NADSYN1: variants seen among roughly 807,000 people sequenced by gnomAD.
The protein encoded by NADSYN1 is glutamine-dependent NAD(+) synthetase.
A neutral mutation model predicts 99.3 loss-of-function variants in NADSYN1; 80 were observed. The ratio of observed to expected loss-of-function variants is 0.81; its 90% CI spans 0.67 to 0.97. The LOEUF (loss-of-function observed/expected upper bound fraction) is 0.97, where lower values mean the gene tolerates loss of function less well. Ranked by LOEUF, NADSYN1 falls within the 50% of genes least tolerant of loss-of-function variation. The probability of loss-of-function intolerance (pLI) is 0.00; values close to 1 mark genes in which losing one functional copy is unlikely to be tolerated. For missense variants in NADSYN1, 859 were observed against 948.5 expected (o/e 0.91, Z 1.24); for synonymous variants, 385 against 372.1 (o/e 1.03, Z -0.40).
At chr11:71,499,743 A>C (rs993882948) in intron 20 of NADSYN1, 2 of 152,320 alleles carry the variant, frequency 1.3e-5, no homozygotes, top group African/African-American at 4.8e-5. Flanking sequence ...CCAGTGAGTC[A>C]CTGTCAACAA....
In NADSYN1 at chr11:71,458,483, C is replaced by G. The variant is rs373141880; in HGVS notation, c.202C>G (p.Gln68Glu). 4.3e-6 allele frequency: 7 copies of G among 1,613,950 alleles called. No individual in the cohort carries two copies. In the African/African-American group the frequency reaches 8.0e-5, roughly 18 times the overall value. Residue 68 changes from glutamine (Q) to glutamate (E), a missense_variant, in exon 3 of 21, where the codon CAA becomes GAA. Transcript: ENST00000319023. The part of the protein sequence containing the change: ...YESDTLLHSF[Q>E]VLAALVESPV... ...GTCGGACACCCTCTTGCACTCGTTT[C>G]AAGTCCTAGCGGCCCTTGTGGAGTC...
intron 5 of NADSYN1, among the ~76,000 whole-genome samples, chr11:71,465,689 G>A (rs534366243): frequency 6.6e-6 from 1 of 152,310 alleles, no homozygotes; most frequent in South Asian, 2.1e-4. Flanking sequence ...TGCCCCGGTT[G>A]AGAAATTCTA....
chr11:71,458,542 G>T lies in NADSYN1; in HGVS notation c.261G>T (p.Gly87=), dbSNP rs1203418618. Reference sequence around the variant, plus strand: ...CTCAGGACATCATCTGCGACGTGGGGATGTAAGTGCCAGTGTGAGTGTGGA... The same window carrying T: ...CTCAGGACATCATCTGCGACGTGGGTATGTAAGTGCCAGTGTGAGTGTGGA... ...PVTQDIICDV[G]MPVMHRNVRY... The change falls in exon 3 of 21, where the codon GGG becomes GGT. Residue 87 remains glycine (G), a splice_region_variant and synonymous_variant. Transcript: ENST00000319023. 1 of 1,601,734 alleles carries T rather than the reference G, an allele frequency of 6.2e-7. No homozygotes were observed.
chr11:71,477,313 C>T, intron 9 of NADSYN1: 4 of 1,274,262 alleles, frequency 3.1e-6, no homozygotes, highest in Non-Finnish European at 4.1e-6. Flanking sequence ...TGTTTTATGG[C>T]TTCACACGGA....
chr11:71,481,901 C>T, intron 12 of NADSYN1, 22 bp from the exon 13 acceptor site: 1 of 1,606,910 alleles, frequency 6.2e-7, no homozygotes, highest in Non-Finnish European at 8.5e-7. Context: ...TCTGCTCACG[C>T]TGTCTGATTG....
rs768572932 is a variant in NADSYN1 at position 71,455,489 on chromosome 11, A to G, written c.146+319A>G. 250 of 335,380 alleles carry G rather than the reference A, an allele frequency of 7.5e-4. 1 individual carries two copies. The highest frequency in any genetic ancestry group is 1.6e-3 in the Middle Eastern group (2 of 1,216). The allele number at this position is 335,380 out of a possible 1,614,324, so 20.8% of individuals were successfully genotyped here. A position where few individuals can be genotyped will look rare whatever the true frequency, so the allele number is the denominator to read the frequency against. ...ATGTTTGCGTCCCCACAAAATTCAT[A>G]TGTTGAAACCTAACCCCCAGATGAT... On this transcript the variant is annotated intron_variant, in intron 2 of 20. Coordinates refer to ENST00000319023, the MANE Select transcript of NADSYN1 (RefSeq NM_018161.5).
chr11:71,473,286 A>G lies in NADSYN1; in HGVS notation c.468A>G (p.Val156=), dbSNP rs1949640843. The G allele has an allele frequency of 2.5e-6, 4 of 1,614,072 alleles. No homozygotes were observed. Among genetic ancestry groups the G allele is most frequent in the Non-Finnish European group, 3.4e-6 (4 of 1,179,998 alleles). ...MIQDLTKQET[V]PFGDAVLVTW... is the part of the protein sequence containing the mutation. ...TTCTCTTCCGACTGCAGGAAACCGT[A>G]CCCTTCGGAGATGCGGTGCTGGTGA... Residue 156 remains valine (V), a synonymous_variant, in exon 7 of 21, where the codon GTA becomes GTG. Coordinates refer to ENST00000319023, the MANE Select transcript of NADSYN1 (RefSeq NM_018161.5).
intron 6 of NADSYN1, 109 bp from the exon 7 acceptor site, chr11:71,473,169 G>T: frequency 1.9e-6 from 2 of 1,068,654 alleles, no homozygotes; most frequent in Non-Finnish European, 2.8e-6. Context: ...CGAGAGCCCA[G>T]AGCCAACTCC....
rs1949502034 is a variant in NADSYN1 at position 71,454,762 on chromosome 11, A to G, written c.86-348A>G. Among the ~76,000 whole-genome samples the G allele has an allele frequency of 2.6e-5, 4 of 152,162 alleles. No individual in the cohort carries two copies. In the South Asian group the frequency reaches 8.3e-4, roughly 31 times the overall value. On this transcript the variant is annotated intron_variant, in intron 1 of 20. Coordinates refer to ENST00000319023, the MANE Select transcript of NADSYN1 (RefSeq NM_018161.5). ...GTGTTGGGCATTTCCTTGTTAATAA[A>G]CTACCAGGGTCTGACTTCTTCCTCT...
intron 16 of NADSYN1, among the ~76,000 whole-genome samples, chr11:71,486,796 CTTTTTTTTTTTTTTT>C (rs57662255): frequency 6.6e-5 from 4 of 60,996 alleles, no homozygotes; most frequent in South Asian, 2.0e-3. Flanking sequence ...GCGTGAGTGT[CTTTTTTTTTTTTTTT>C]TTTTTTTTTT....
chr11:71,497,121 T>C (rs1160941559), intron 18 of NADSYN1: 4 of 281,220 alleles, frequency 1.4e-5, no homozygotes, highest in Non-Finnish European at 2.8e-5. Context: ...CAAGCAGTCC[T>C]CCCACCTCGG....
chr11:71,495,517 G>C lies in NADSYN1; in HGVS notation c.1765-1966G>C, dbSNP rs10466717. On this transcript the variant is annotated intron_variant, in intron 18 of 20. Transcript: ENST00000319023. ...CTGCCGCTGGGTGCAGTGCCCTGCAGGTGTGTGCCAGGTCTCCCTGGTTGA... is the reference window on the plus strand; with the variant it reads ...CTGCCGCTGGGTGCAGTGCCCTGCACGTGTGTGCCAGGTCTCCCTGGTTGA... 8.0e-3 allele frequency among the ~76,000 whole-genome samples: 1,216 copies of C among 152,318 alleles called. 21 individuals are homozygous for C. The highest frequency in any genetic ancestry group is 0.028 in the African/African-American group (1,147 of 41,570).
rs757685596 is a variant in NADSYN1, at chr11:71,458,411, TCTCA to T, written c.147-14_147-11del. 6.2e-7 allele frequency: 1 copy of T among 1,600,356 alleles called. No individual in the cohort carries two copies. Among genetic ancestry groups the T allele is most frequent in the Non-Finnish European group, 8.6e-7 (1 of 1,167,440 alleles). ...CCTGAGTTGTTTCTGGAGCTCACCT[TCTCA>T]CTGTCTCTGCAGCGGCTACGGATGT... is the stretch of plus-strand genomic sequence containing the variant. On this transcript the variant is annotated splice_polypyrimidine_tract_variant and intron_variant, in intron 2 of 20. Coordinates refer to ENST00000319023, the MANE Select transcript of NADSYN1 (RefSeq NM_018161.5).
Position 71,480,807 on chromosome 11 carries a change from G to A in NADSYN1, c.926G>A (p.Cys309Tyr), listed in dbSNP as rs1284928030. Residue 309 changes from cysteine to tyrosine, a missense_variant, in exon 11 of 21, where the codon TGC becomes TAC. Transcript: ENST00000319023. ...GTGAAGGTGGACTTTGCCCTCTCGT[G>A]CCACGAGGACTTGCTGGCACCCATC... Reference protein sequence around the residue: ...PRVKVDFALSCHEDLLAPISE... With the variant: ...PRVKVDFALSYHEDLLAPISE... The A allele has an allele frequency of 6.2e-7, 1 of 1,614,070 alleles. No homozygotes were observed. Among genetic ancestry groups the A allele is most frequent in the African/African-American group, 1.3e-5 (1 of 74,926 alleles).
At position 71,455,007 on chromosome 11, in the gene NADSYN1, TG is replaced by T. The variant is rs373328919; in HGVS notation, c.86-102del. 24 of 782,524 alleles carry T rather than the reference TG, an allele frequency of 3.1e-5. No individual in the cohort carries two copies. In the South Asian group the frequency reaches 3.9e-4, roughly 13 times the overall value. The allele number at this position is 782,524 out of a possible 1,614,324, so 48.5% of individuals were successfully genotyped here. On this transcript the variant is annotated intron_variant, in intron 1 of 20. Transcript: ENST00000319023. ...GCACAGAGCATTTTTGTTTGTTGTTTGTTTTTTTTTTTATCCTACCTACTGC... is the reference window on the plus strand; with the variant it reads ...GCACAGAGCATTTTTGTTTGTTGTTTTTTTTTTTTTTATCCTACCTACTGC...
chr11:71,457,086 A>C (rs1401717966), intron 2 of NADSYN1, among the ~76,000 whole-genome samples: 1 of 152,236 alleles, frequency 6.6e-6, no homozygotes, highest in African/African-American at 2.4e-5. Context: ...CGAAGGGGTG[A>C]GAGGCCTCTG....
chr11:71,487,066 A>C (rs1038554649), intron 16 of NADSYN1, among the ~76,000 whole-genome samples: 1 of 152,108 alleles, frequency 6.6e-6, no homozygotes, highest in Non-Finnish European at 1.5e-5. Flanking sequence ...TTGGCCTCCC[A>C]AAGAGTGTGA....
At chr11:71,498,234 A>G in intron 19 of NADSYN1, 118 bp from the exon 20 acceptor site, 1 of 1,153,706 alleles carries the variant, frequency 8.7e-7, no homozygotes, top group Non-Finnish European at 1.2e-6. Flanking sequence ...CCATCGTGGA[A>G]GGTCCTGTGC....
At chr11:71,492,078 C>G (rs931713303) in intron 18 of NADSYN1, among the ~76,000 whole-genome samples, 175 bp downstream of exon 18, 1 of 152,144 alleles carries the variant, frequency 6.6e-6, no homozygotes, top group Non-Finnish European at 1.5e-5. Flanking sequence ...TTTGACACTT[C>G]AATTCACTTC....
Sources: gnomAD v4.1 joint callset for allele counts (sites outside exome capture counted in the v4.1 genomes callset) on GRCh38, gnomAD v4.1.1 for gene constraint, MANE v1.5 for transcripts, NCBI Gene and HGNC (gene_info 2026-07-23, HGNC 2026-07-21) for gene names.